Variants in KCNH7 observed in about 807,000 individuals in gnomAD.
KCNH7 encodes the protein voltage-gated inwardly rectifying potassium channel KCNH7.
Under a neutral mutation model 120.8 loss-of-function variants are expected in KCNH7, and 49 were observed. The observed-to-expected ratio is 0.41, with a 90% CI of 0.32 to 0.51. KCNH7 has a LOEUF of 0.51. KCNH7 is among the 20% of genes least tolerant of loss of function. The pLI, the probability that KCNH7 is intolerant of heterozygous loss-of-function variation, is 0.38. For synonymous variants in KCNH7, 547 were observed against 516.1 expected (o/e 1.06, Z -0.81); for missense variants, 1,097 against 1,446.6 (o/e 0.76, Z 3.92).
At chr2:162,382,774 T>C (rs1686458122) in intron 13 of KCNH7, among the ~76,000 whole-genome samples, 1 of 151,998 alleles carries the variant, frequency 6.6e-6, no homozygotes, top group Admixed American at 6.6e-5. Flanking sequence ...TATATCATCT[T>C]AAAAATCATT....
chr2:162,379,171 A>G (rs759577264), intron 14 of KCNH7, among the ~76,000 whole-genome samples: 18 of 152,200 alleles, frequency 1.2e-4, no homozygotes, highest in Non-Finnish European at 2.1e-4. Flanking sequence ...GTGGTGAACT[A>G]AAAGGCTACT....
intron 2 of KCNH7, among the ~76,000 whole-genome samples, chr2:162,586,804 G>T (rs1694035768): frequency 6.6e-6 from 1 of 151,268 alleles, no homozygotes; most frequent in African/African-American, 2.4e-5. Context: ...TTTTCACCAT[G>T]CCATAAAACC....
chr2:162,533,646 A>G (rs528681406), intron 3 of KCNH7, among the ~76,000 whole-genome samples: 2 of 151,852 alleles, frequency 1.3e-5, no homozygotes, highest in East Asian at 3.9e-4. Flanking sequence ...ATGAATATCT[A>G]TGAAATAAAC....
At chr2:162,423,198 C>T in intron 9 of KCNH7, 138 bp downstream of exon 9, 1 of 1,552,676 alleles carries the variant, frequency 6.4e-7, no homozygotes. Flanking sequence ...GAGAGACTAT[C>T]TCCAGGGGAG....
In KCNH7 at chr2:162,741,187, TATGTTATTAATTATACATATTAATAAC is replaced by T. The variant is rs879912444; in HGVS notation, c.307+95323_307+95349del. On this transcript the variant is annotated intron_variant, in intron 2 of 15. Coordinates refer to ENST00000332142, the MANE Select transcript of KCNH7 (RefSeq NM_033272.4). ...GCTAGCATTATACATATTAATAACA[TATGTTATTAATTATACATATTAATAAC>T]ATGTTATTAGTTATACATATTAATA... 8.2e-3 allele frequency among the ~76,000 whole-genome samples: 1,194 copies of T among 145,342 alleles called. 11 individuals carry two copies. Among genetic ancestry groups the T allele is most frequent in the African/African-American group, 0.031 (1,144 of 36,718 alleles).
At chr2:162,636,960 C>T (rs1683983249) in intron 2 of KCNH7, among the ~76,000 whole-genome samples, 1 of 152,102 alleles carries the variant, frequency 6.6e-6, no homozygotes, top group Non-Finnish European at 1.5e-5. Context: ...CTTGCCACCA[C>T]CCTCCCCACC....
At position 162,539,715 on chromosome 2, in the gene KCNH7, A is replaced by T. The variant is rs370204010; in HGVS notation, c.308-2635T>A. Among the ~76,000 whole-genome samples, 78 of 152,174 alleles carry T rather than the reference A, an allele frequency of 5.1e-4. 3 individuals are homozygous for T. In the South Asian group the frequency reaches 5.4e-3, roughly 11 times the overall value. The stretch of plus-strand genomic sequence containing the variant: ...AATCTGGGATTTATTGCCCACTATC[A>T]TTGTTTCCTGTACATTTCTATTAAG... On this transcript the variant is annotated intron_variant, in intron 2 of 15. Coordinates refer to ENST00000332142, the MANE Select transcript of KCNH7 (RefSeq NM_033272.4).
At chr2:162,477,520 T>G (rs1218590108) in intron 6 of KCNH7, among the ~76,000 whole-genome samples, 1 of 152,174 alleles carries the variant, frequency 6.6e-6, no homozygotes, top group Non-Finnish European at 1.5e-5. Context: ...GAGGGAAGTT[T>G]TATTTATTTA....
chr2:162,421,022 C>A (rs1035945124), intron 9 of KCNH7, among the ~76,000 whole-genome samples: 1 of 151,590 alleles, frequency 6.6e-6, no homozygotes, highest in Non-Finnish European at 1.5e-5. Context: ...TAGTGCTTAA[C>A]AAGTAAGCAT....
chr2:162,750,698 T>G (rs1284007531), intron 2 of KCNH7, among the ~76,000 whole-genome samples: 1 of 152,114 alleles, frequency 6.6e-6, no homozygotes, highest in East Asian at 1.9e-4. Flanking sequence ...TGTAAGACAG[T>G]TTGATTTATT....
At chr2:162,748,261 T>C (rs989052113) in intron 2 of KCNH7, among the ~76,000 whole-genome samples, 3 of 152,190 alleles carry the variant, frequency 2.0e-5, no homozygotes, top group Admixed American at 6.5e-5. Flanking sequence ...TGTGTATGTG[T>C]CTTAAGTGTC....
chr2:162,652,372 A>C (rs887532823), intron 2 of KCNH7, among the ~76,000 whole-genome samples: 1 of 152,092 alleles, frequency 6.6e-6, no homozygotes, highest in African/African-American at 2.4e-5. Flanking sequence ...AGCAGCCCTC[A>C]ACCTTTTTTG....
chr2:162,505,407 A>T (rs1322165606), intron 5 of KCNH7, among the ~76,000 whole-genome samples: 2 of 152,028 alleles, frequency 1.3e-5, no homozygotes, highest in Admixed American at 1.3e-4. Flanking sequence ...TCTGGCAAAC[A>T]TAACTTACAA....
chr2:162,393,315 T>C (rs981478318), intron 12 of KCNH7, among the ~76,000 whole-genome samples: 1 of 151,920 alleles, frequency 6.6e-6, no homozygotes, highest in African/African-American at 2.4e-5. Context: ...GTTGGATATG[T>C]GGGACTGAAG....
chr2:162,481,028 T>C (rs1238134778), intron 6 of KCNH7, among the ~76,000 whole-genome samples: 1 of 152,120 alleles, frequency 6.6e-6, no homozygotes, highest in South Asian at 2.1e-4. Flanking sequence ...CTGGCTTCCT[T>C]CGTGTTTTAA....
rs1052212261 is a variant in KCNH7 at position 162,725,224 on chromosome 2, T to C, written c.307+111313A>G. Among the ~76,000 whole-genome samples, 5 of 152,334 alleles carry C rather than the reference T, an allele frequency of 3.3e-5. No individual in the cohort carries two copies. The South Asian group carries it at 6.2e-4, about 19-fold the overall frequency. On this transcript the variant is annotated intron_variant, in intron 2 of 15. Transcript: ENST00000332142. Reference sequence around the variant, plus strand: ...ATACTTTATATTCACTTTGATTATATGCAATTAATCATATTCCTATTGTAA... The same window carrying C: ...ATACTTTATATTCACTTTGATTATACGCAATTAATCATATTCCTATTGTAA...
At position 162,447,490 on chromosome 2, in the gene KCNH7, A is replaced by T. The variant is rs574484330; in HGVS notation, c.1129-1047T>A. On this transcript the variant is annotated intron_variant, in intron 6 of 15. Coordinates refer to ENST00000332142, the MANE Select transcript of KCNH7 (RefSeq NM_033272.4). ...ACAAATGGCATAAAAAGAGCAATTT[A>T]AAAAGGGAAATGTGGGTTCTAATTT... Among the ~76,000 whole-genome samples the T allele has an allele frequency of 5.2e-4, 79 of 152,256 alleles. 1 individual carries two copies. Among genetic ancestry groups the T allele is most frequent in the Non-Finnish European group, 9.3e-4 (63 of 67,992 alleles).
At chr2:162,769,806 G>C (rs1171963965) in intron 2 of KCNH7, among the ~76,000 whole-genome samples, 1 of 151,878 alleles carries the variant, frequency 6.6e-6, no homozygotes, top group East Asian at 1.9e-4. Flanking sequence ...CATTAAAAAC[G>C]GCATCTGCAG....
At chr2:162,832,772 G>C (rs192677849) in intron 2 of KCNH7, among the ~76,000 whole-genome samples, 19 of 152,154 alleles carry the variant, frequency 1.2e-4, no homozygotes, top group Admixed American at 6.6e-4. Context: ...AAACACAGCT[G>C]TTTCTAGAAG....
Sources: gnomAD v4.1 joint callset for allele counts (sites outside exome capture counted in the v4.1 genomes callset) on GRCh38, gnomAD v4.1.1 for gene constraint, MANE v1.5 for transcripts, NCBI Gene and HGNC (gene_info 2026-07-23, HGNC 2026-07-21) for gene names.